Variants in C3orf22 observed in about 807,000 individuals in gnomAD.
The protein encoded by C3orf22 is uncharacterized protein C3orf22.
Under a neutral mutation model 10.8 loss-of-function variants are expected in C3orf22, and 7 were observed. That is an observed-to-expected ratio of 0.65 (90% CI 0.37 to 1.22). C3orf22 has a LOEUF of 1.22. C3orf22 is among the 50% of genes most tolerant of loss of function. The pLI, the probability that C3orf22 is intolerant of heterozygous loss-of-function variation, is 0.02. For synonymous variants in C3orf22, 79 were observed against 78.9 expected, an observed-to-expected ratio of 1.00 and a Z score of 0.00; for missense variants, 173 against 177.0, an observed-to-expected ratio of 0.98 and a Z score of 0.13.
chr3:126,545,413 A>C (rs752400637), downstream of C3orf22, among the ~76,000 whole-genome samples: 4 of 152,236 alleles, frequency 2.6e-5, no homozygotes, highest in Non-Finnish European at 5.9e-5. Context: ...ATTGTCAGGA[A>C]AATGTTAACC....
intron 4 of C3orf22, among the ~76,000 whole-genome samples, chr3:126,532,992 ACTT>A (rs1448513441): frequency 2.0e-5 from 3 of 152,058 alleles, no homozygotes; most frequent in Admixed American, 6.6e-5. Flanking sequence ...TTTGTTACCA[ACTT>A]CTTCTTTATT....
At chr3:126,555,463 G>A (rs1937304643) in intron 1 of C3orf22, among the ~76,000 whole-genome samples, 1 of 152,226 alleles carries the variant, frequency 6.6e-6, no homozygotes, top group Admixed American at 6.5e-5. Flanking sequence ...ACAGCAGGAG[G>A]TGGGTGGCAG....
At chr3:126,527,390 C>T (rs1041894270) in exon 6 of C3orf22, 1 of 152,288 alleles carries the variant, frequency 6.6e-6, no homozygotes, top group Admixed American at 6.5e-5. Flanking sequence ...GGGTTCAGAT[C>T]ACACCTCCAG....
At chr3:126,551,243 C>A (rs1014072472) in intron 3 of C3orf22, among the ~76,000 whole-genome samples, 3 of 144,944 alleles carry the variant, frequency 2.1e-5, no homozygotes, top group African/African-American at 7.7e-5. Flanking sequence ...AAAGTCAACA[C>A]AGACCCCCCC....
intron 4 of C3orf22, chr3:126,542,315 C>T (rs1936981387): frequency 1.9e-6 from 3 of 1,569,138 alleles, no homozygotes; most frequent in Middle Eastern, 3.4e-4. Flanking sequence ...CGCGCTCTGC[C>T]ACCCGTGTCG....
chr3:126,550,443 C>T (rs1937156007), intron 3 of C3orf22, among the ~76,000 whole-genome samples: 1 of 152,206 alleles, frequency 6.6e-6, no homozygotes, highest in Admixed American at 6.5e-5. Context: ...GGCATACTTA[C>T]TTCTCTGCCA....
chr3:126,542,097 C>T (rs1358070514), intron 4 of C3orf22: 5 of 1,582,540 alleles, frequency 3.2e-6, no homozygotes, highest in African/African-American at 1.4e-5. Flanking sequence ...CGCCTGGCAT[C>T]GGCTTACCGC....
intron 4 of C3orf22, among the ~76,000 whole-genome samples, chr3:126,535,061 C>A (rs1435938285): frequency 2.2e-5 from 1 of 46,294 alleles, no homozygotes; most frequent in Non-Finnish European, 4.4e-5. Flanking sequence ...AGCCGGGAGA[C>A]AGACAGACAG....
At chr3:126,550,240 C>A (rs1471526549) in intron 3 of C3orf22, 162 bp from the exon 4 acceptor site, 5 of 297,772 alleles carry the variant, frequency 1.7e-5, no homozygotes, top group Non-Finnish European at 2.5e-5. Flanking sequence ...GGCTCTGCCA[C>A]CTGATGTCCC....
At chr3:126,532,292 T>A (rs531826999) in intron 4 of C3orf22, among the ~76,000 whole-genome samples, 1 of 152,376 alleles carries the variant, frequency 6.6e-6, no homozygotes, top group East Asian at 1.9e-4. Flanking sequence ...ATCTATTTTT[T>A]AAAATTTTGT....
chr3:126,536,697 G>C (rs574188579), intron 4 of C3orf22, among the ~76,000 whole-genome samples: 148 of 152,016 alleles, frequency 9.7e-4, no homozygotes, highest in Non-Finnish European at 1.7e-3. Context: ...TGCTGCAGTG[G>C]GGAGGTGTGC....
intron 4 of C3orf22, chr3:126,529,496 A>G (rs2107562778): frequency 1.2e-6 from 1 of 846,870 alleles, no homozygotes; most frequent in African/African-American, 1.8e-5. Context: ...TTTCTGGCAC[A>G]GCAAGGAAGC....
At chr3:126,532,424 C>A (rs1221660403) in intron 4 of C3orf22, among the ~76,000 whole-genome samples, 1 of 152,022 alleles carries the variant, frequency 6.6e-6, no homozygotes, top group Admixed American at 6.6e-5. Flanking sequence ...GGGCTATGAT[C>A]CATTTTGAGT....
At chr3:126,547,996 G>A (rs1265734449), downstream of C3orf22, among the ~76,000 whole-genome samples, 1 of 152,188 alleles carries the variant, frequency 6.6e-6, no homozygotes, top group African/African-American at 2.4e-5. Context: ...TGCAGAGTTT[G>A]ACACAGTCTT....
intron 4 of C3orf22, among the ~76,000 whole-genome samples, chr3:126,539,462 CCA>C (rs1438508799): frequency 1.3e-5 from 2 of 150,910 alleles, no homozygotes; most frequent in African/African-American, 4.9e-5. Flanking sequence ...CACAAACACA[CCA>C]CACACACTGC....
intron 4 of C3orf22, chr3:126,542,246 C>G: frequency 6.5e-7 from 1 of 1,536,744 alleles, no homozygotes; most frequent in Non-Finnish European, 8.7e-7. Flanking sequence ...CCTGGCCTAC[C>G]TGCTGGACCC....
At chr3:126,544,238 CACCACGTGATGCTCTGT>C (rs1937030719) in intron 4 of C3orf22, among the ~76,000 whole-genome samples, 1 of 152,184 alleles carries the variant, frequency 6.6e-6, no homozygotes, top group Non-Finnish European at 1.5e-5. Context: ...TCAGCCCCCT[CACCACGTGATGCTCTGT>C]ACCACCTCCG....
intron 1 of C3orf22, among the ~76,000 whole-genome samples, chr3:126,557,066 TCACACACAGATTCACA>T (rs1162371777): frequency 2.0e-5 from 3 of 150,108 alleles, no homozygotes; most frequent in Admixed American, 6.6e-5. Context: ...ACTCACACAT[TCACACACAGATTCACA>T]CACACACAGA....
chr3:126,547,395 C>A (rs558496494), downstream of C3orf22, among the ~76,000 whole-genome samples: 2 of 152,212 alleles, frequency 1.3e-5, no homozygotes, highest in Non-Finnish European at 2.9e-5. Flanking sequence ...GAATAACATG[C>A]ACATAAACCT....
Sources: allele counts gnomAD v4.1 joint callset (sites outside exome capture counted in the v4.1 genomes callset), GRCh38; gene constraint gnomAD v4.1.1; transcripts MANE v1.5; gene names NCBI Gene and HGNC (gene_info 2026-07-23, HGNC 2026-07-21).